Variants in CCSER1 observed in about 807,000 individuals in gnomAD.
CCSER1 encodes serine-rich coiled-coil domain-containing protein 1.
Under a neutral mutation model 82.0 loss-of-function variants are expected in CCSER1, and 41 were observed. The ratio of observed to expected loss-of-function variants is 0.50; its 90% confidence interval spans 0.39 to 0.65. The LOEUF (loss-of-function observed/expected upper bound fraction) is 0.65, where lower values mean the gene tolerates loss of function less well. CCSER1 is among the 30% of genes least tolerant of loss of function. The pLI, the probability that CCSER1 is intolerant of heterozygous loss-of-function variation, is 0.00. For synonymous variants in CCSER1, 414 were observed against 383.9 expected (o/e 1.08, Z -0.92); for missense variants, 1,119 against 1,064.2 (o/e 1.05, Z -0.72).
chr4:91,477,486 T>A (rs187377886), intron 10 of CCSER1, among the ~76,000 whole-genome samples: 1 of 151,852 alleles, frequency 6.6e-6, no homozygotes, highest in East Asian at 1.9e-4. Flanking sequence ...CCAATTTTTT[T>A]TATTAATACT....
intron 3 of CCSER1, among the ~76,000 whole-genome samples, chr4:90,325,321 G>A (rs1561031389): frequency 6.6e-6 from 1 of 151,974 alleles, no homozygotes; most frequent in Non-Finnish European, 1.5e-5. Context: ...TAATTTAAAA[G>A]GACAGCAGTA....
At chr4:91,502,637 T>C (rs1759272218) in intron 10 of CCSER1, among the ~76,000 whole-genome samples, 1 of 152,232 alleles carries the variant, frequency 6.6e-6, no homozygotes. Context: ...TATTCATCAT[T>C]AAGCCATCCT....
intron 10 of CCSER1, among the ~76,000 whole-genome samples, chr4:91,568,824 T>C (rs1763024075): frequency 6.6e-6 from 1 of 152,154 alleles, no homozygotes; most frequent in Non-Finnish European, 1.5e-5. Flanking sequence ...CTATCCATAT[T>C]ATGAATTCTA....
intron 7 of CCSER1, among the ~76,000 whole-genome samples, chr4:90,727,506 C>T (rs2149388822): frequency 6.6e-6 from 1 of 152,290 alleles, no homozygotes; most frequent in Non-Finnish European, 1.5e-5. Flanking sequence ...GGCATTCTCC[C>T]TGATTTCTTG....
intron 10 of CCSER1, among the ~76,000 whole-genome samples, chr4:91,260,903 G>A (rs1297962036): frequency 6.6e-6 from 1 of 152,076 alleles, no homozygotes; most frequent in African/African-American, 2.4e-5. Context: ...TGGGACTACA[G>A]GCGCCCGCTA....
intron 7 of CCSER1, among the ~76,000 whole-genome samples, chr4:90,737,450 G>A (rs1417873181): frequency 1.3e-5 from 2 of 152,018 alleles, no homozygotes; most frequent in Non-Finnish European, 2.9e-5. Flanking sequence ...TTATTTCCTG[G>A]CCTGTAAGGT....
chr4:90,929,800 A>T (rs1729504504), intron 9 of CCSER1, among the ~76,000 whole-genome samples: 2 of 152,210 alleles, frequency 1.3e-5, no homozygotes, highest in Non-Finnish European at 2.9e-5. Flanking sequence ...ATAAATTTTG[A>T]GATCTGCTGT....
chr4:90,872,979 C>T (rs1766743071), intron 8 of CCSER1, among the ~76,000 whole-genome samples: 1 of 151,738 alleles, frequency 6.6e-6, no homozygotes, highest in Non-Finnish European at 1.5e-5. Context: ...GTTTCTTTTC[C>T]CTTGCTGCTT....
chr4:90,459,773 A>T (rs986353788), intron 4 of CCSER1, among the ~76,000 whole-genome samples: 4 of 152,172 alleles, frequency 2.6e-5, no homozygotes, highest in Non-Finnish European at 5.9e-5. Context: ...GTTTTACTTT[A>T]CAATTAGTAG....
At chr4:90,825,200 G>A (rs762090188) in intron 8 of CCSER1, among the ~76,000 whole-genome samples, 4 of 152,202 alleles carry the variant, frequency 2.6e-5, no homozygotes, top group Non-Finnish European at 5.9e-5. Flanking sequence ...ATGCCAATAG[G>A]AAGGTGTTTT....
intron 1 of CCSER1, among the ~76,000 whole-genome samples, chr4:90,271,395 T>C (rs757769970): frequency 3.3e-5 from 5 of 152,108 alleles, no homozygotes; most frequent in Admixed American, 2.6e-4. Flanking sequence ...GGGGAAAGGA[T>C]AGTCTTTTCA....
At chr4:90,777,089 C>G (rs1331939373) in intron 7 of CCSER1, among the ~76,000 whole-genome samples, 1 of 152,116 alleles carries the variant, frequency 6.6e-6, no homozygotes, top group Non-Finnish European at 1.5e-5. Context: ...GGAGCGGTGG[C>G]TCATGCCTGT....
chr4:91,445,781 G>A (rs527519334), intron 10 of CCSER1, among the ~76,000 whole-genome samples: 57 of 151,892 alleles, frequency 3.8e-4, no homozygotes, highest in African/African-American at 1.4e-3. Context: ...AAAAAAATTG[G>A]CCCAAGTTGG....
In CCSER1 at chr4:91,361,127, G is replaced by T. The variant is rs1162557660; in HGVS notation, c.2218-237445G>T. Among the ~76,000 whole-genome samples the T allele has an allele frequency of 3.3e-5, 5 of 151,662 alleles. 1 individual carries two copies. Among genetic ancestry groups the T allele is most frequent in the Non-Finnish European group, 7.4e-5 (5 of 67,796 alleles). The stretch of plus-strand genomic sequence containing the variant: ...TTTTAGTCTAGCAGATGCTAGACCA[G>T]AAATAAATATTTCACATATATGTTT... On this transcript the variant is annotated intron_variant, in intron 10 of 10. Coordinates refer to ENST00000509176, the MANE Select transcript of CCSER1 (RefSeq NM_001145065.2).
chr4:91,235,067 AAG>A (rs1184791744), intron 10 of CCSER1, among the ~76,000 whole-genome samples: 1 of 152,104 alleles, frequency 6.6e-6, no homozygotes, highest in African/African-American at 2.4e-5. Context: ...GAAAAAAACA[AAG>A]AACACCCTTG....
intron 3 of CCSER1, among the ~76,000 whole-genome samples, chr4:90,342,421 A>G (rs926634874): frequency 6.6e-6 from 1 of 152,112 alleles, no homozygotes; most frequent in Non-Finnish European, 1.5e-5. Flanking sequence ...CCTCACCCTT[A>G]CGCCATCCTC....
intron 10 of CCSER1, among the ~76,000 whole-genome samples, chr4:91,498,567 T>A (rs1016516796): frequency 6.6e-6 from 1 of 151,834 alleles, no homozygotes; most frequent in African/African-American, 2.4e-5. Flanking sequence ...TGTTCTTAAT[T>A]TTCCTGGAGG....
At chr4:90,860,352 A>G (rs945808039) in intron 8 of CCSER1, among the ~76,000 whole-genome samples, 1 of 137,532 alleles carries the variant, frequency 7.3e-6, no homozygotes, top group East Asian at 1.9e-4. Flanking sequence ...GACAGAAAAT[A>G]AAAAATATTA....
At chr4:91,414,030 G>T (rs920307579) in intron 10 of CCSER1, among the ~76,000 whole-genome samples, 4 of 152,116 alleles carry the variant, frequency 2.6e-5, no homozygotes, top group Non-Finnish European at 5.9e-5. Context: ...GCTGTCACAA[G>T]AAATTCTAAA....
Sources: gnomAD v4.1 joint callset for allele counts (sites outside exome capture counted in the v4.1 genomes callset) on GRCh38, gnomAD v4.1.1 for gene constraint, MANE v1.5 for transcripts, NCBI Gene and HGNC (gene_info 2026-07-23, HGNC 2026-07-21) for gene names.